The following DNM3 variants were observed in gnomAD, a reference collection of about 807,000 sequenced individuals.
DNM3 encodes dynamin-3.
DNM3 carries 47 observed loss-of-function variants against 101.6 expected under a neutral mutation model. The observed-to-expected ratio is 0.46, with a 90% CI of 0.37 to 0.59. The LOEUF is 0.59. Ranked by LOEUF, DNM3 falls within the 20% of genes least tolerant of loss-of-function variation. DNM3 has a pLI of 0.00. For synonymous variants in DNM3, 385 were observed against 387.9 expected, an observed-to-expected ratio of 0.99 and a Z score of 0.09; for missense variants, 849 against 1,085.7, an observed-to-expected ratio of 0.78 and a Z score of 3.06.
intron 13 of DNM3, among the ~76,000 whole-genome samples, chr1:172,102,653 C>A (rs1251224981): frequency 6.6e-6 from 1 of 152,108 alleles, no homozygotes; most frequent in Admixed American, 6.5e-5. Flanking sequence ...TACTTTGGGA[C>A]AGTAGAGGCA....
chr1:172,223,394 A>T (rs897150999), intron 14 of DNM3, among the ~76,000 whole-genome samples: 16 of 151,600 alleles, frequency 1.1e-4, no homozygotes, highest in East Asian at 3.9e-4. Flanking sequence ...ATTCTGTCAT[A>T]AAAAAAATCC....
At chr1:172,027,585 AACACACAC>A (rs61620821) in intron 4 of DNM3, among the ~76,000 whole-genome samples, 2 of 141,408 alleles carry the variant, frequency 1.4e-5, no homozygotes, top group African/African-American at 2.6e-5. Context: ...TGTCTCAAGA[AACACACAC>A]ACACACACAC....
At chr1:171,973,965 CAA>C (rs771875508) in intron 2 of DNM3, among the ~76,000 whole-genome samples, 28 of 152,084 alleles carry the variant, frequency 1.8e-4, no homozygotes, top group Non-Finnish European at 3.5e-4. Context: ...ACTCGTCGCC[CAA>C]AGTCTTAATC....
intron 14 of DNM3, among the ~76,000 whole-genome samples, chr1:172,219,938 G>A (rs2060847730): frequency 6.6e-6 from 1 of 152,106 alleles, no homozygotes; most frequent in South Asian, 2.1e-4. Context: ...CATGAGCAGG[G>A]AATTTTTTAA....
intron 14 of DNM3, among the ~76,000 whole-genome samples, chr1:172,200,173 T>G (rs1170031817): frequency 1.3e-5 from 2 of 152,176 alleles, no homozygotes; most frequent in Non-Finnish European, 2.9e-5. Flanking sequence ...GAAGCTTAGT[T>G]TGGCTGTATA....
chr1:172,331,329 G>T (rs2066174275), intron 17 of DNM3, among the ~76,000 whole-genome samples: 1 of 152,064 alleles, frequency 6.6e-6, no homozygotes, highest in Non-Finnish European at 1.5e-5. Context: ...TCTCATTGAG[G>T]TTTAAAGATA....
At chr1:172,252,569 C>A (rs1557884353) in intron 14 of DNM3, among the ~76,000 whole-genome samples, 1 of 152,132 alleles carries the variant, frequency 6.6e-6, no homozygotes, top group Non-Finnish European at 1.5e-5. Context: ...TAGCCCTGCT[C>A]TCTTTCACGG....
intron 1 of DNM3, among the ~76,000 whole-genome samples, chr1:171,917,288 A>G (rs1386446124): frequency 2.0e-5 from 3 of 151,984 alleles, no homozygotes; most frequent in East Asian, 1.9e-4. Context: ...GCCGGGGGGA[A>G]TTTTTTTTAG....
chr1:171,976,775 G>A (rs2044405577), intron 2 of DNM3, among the ~76,000 whole-genome samples: 1 of 152,148 alleles, frequency 6.6e-6, no homozygotes, highest in South Asian at 2.1e-4. Flanking sequence ...AATGTATCCA[G>A]CAATGCATAT....
At chr1:172,224,701 A>G (rs1348052877) in intron 14 of DNM3, among the ~76,000 whole-genome samples, 1 of 152,240 alleles carries the variant, frequency 6.6e-6, no homozygotes, top group Non-Finnish European at 1.5e-5. Context: ...GAGGAACCTC[A>G]GACATCAGCA....
intron 20 of DNM3, among the ~76,000 whole-genome samples, chr1:172,396,787 A>G (rs899931172): frequency 1.3e-5 from 2 of 152,224 alleles, no homozygotes; most frequent in Middle Eastern, 3.2e-3. Flanking sequence ...TTAAATATAT[A>G]ACATTCATTT....
intron 1 of DNM3, among the ~76,000 whole-genome samples, chr1:171,862,853 G>A (rs1451524127): frequency 6.6e-6 from 1 of 152,044 alleles, no homozygotes; most frequent in Non-Finnish European, 1.5e-5. Context: ...CCAAGAAGGA[G>A]AGGCCAAAGA....
intron 4 of DNM3, among the ~76,000 whole-genome samples, chr1:172,020,468 C>T (rs2047756668): frequency 6.6e-6 from 1 of 152,032 alleles, no homozygotes; most frequent in Non-Finnish European, 1.5e-5. Context: ...CGCCTGTAAT[C>T]CCAGCACTTT....
chr1:172,132,907 G>A, intron 14 of DNM3: 1 of 1,118,006 alleles, frequency 8.9e-7, no homozygotes, highest in Non-Finnish European at 1.3e-6. Context: ...GTCTTGGCGA[G>A]GATAACCAAC....
intron 16 of DNM3, among the ~76,000 whole-genome samples, chr1:172,316,075 G>T (rs2065336093): frequency 6.6e-6 from 1 of 152,108 alleles, no homozygotes; most frequent in Non-Finnish European, 1.5e-5. Context: ...GAGAGTGGGA[G>T]CCAATATTCA....
intron 1 of DNM3, among the ~76,000 whole-genome samples, chr1:171,886,179 T>C (rs9425818): frequency 0.43 from 64,884 of 152,090 alleles, 13,986 homozygotes; most frequent in African/African-American, 0.44. Context: ...AAATACATGG[T>C]AAAGGCGTGA....
chr1:172,250,105 C>T (rs547230719), intron 14 of DNM3, among the ~76,000 whole-genome samples: 257 of 152,018 alleles, frequency 1.7e-3, no homozygotes, highest in Non-Finnish European at 2.9e-3. Context: ...GAAGCTGTCT[C>T]GTATAGTTTG....
chr1:171,941,372 A>G (rs1242102364), intron 2 of DNM3, among the ~76,000 whole-genome samples: 1 of 152,214 alleles, frequency 6.6e-6, no homozygotes. Context: ...CCAAATCCTT[A>G]AATACTTCCT....
In DNM3 at chr1:172,258,657, C is replaced by T. The variant is rs919466936; in HGVS notation, c.1769+4975C>T. On this transcript the variant is annotated intron_variant, in intron 15 of 20. Transcript: ENST00000627582. ...TCTTCTGTCTTCCTGATTAGTCTTA[C>T]GATTGTCTTATTGATTTTATTTATC... 7.2e-5 allele frequency among the ~76,000 whole-genome samples: 11 copies of T among 151,970 alleles called. No homozygotes were observed. In the East Asian group the frequency reaches 1.5e-3, roughly 21 times the overall value.
Sources: gnomAD v4.1 joint callset for allele counts (sites outside exome capture counted in the v4.1 genomes callset) on GRCh38, gnomAD v4.1.1 for gene constraint, MANE v1.5 for transcripts, NCBI Gene and HGNC (gene_info 2026-07-23, HGNC 2026-07-21) for gene names.